The following EBF2 variants were observed in gnomAD, a reference collection of about 807,000 sequenced individuals.
The protein encoded by EBF2 is transcription factor COE2.
EBF2 carries 21 observed loss-of-function variants against 72.8 expected under a neutral mutation model. The observed-to-expected ratio is 0.29, with a 90% CI of 0.20 to 0.42. EBF2 has a LOEUF of 0.42. Ranked by LOEUF, EBF2 falls within the 10% of genes least tolerant of loss-of-function variation. The pLI, the probability that EBF2 is intolerant of heterozygous loss-of-function variation, is 1.00. For missense variants in EBF2, 637 were observed against 731.2 expected, an observed-to-expected ratio of 0.87 and a Z score of 1.49; for synonymous variants, 299 against 274.2, an observed-to-expected ratio of 1.09 and a Z score of -0.89.
intron 3 of EBF2, 47 bp from the exon 4 acceptor site, chr8:26,040,718 C>A (rs569140774): frequency 6.5e-7 from 1 of 1,547,072 alleles, no homozygotes; most frequent in African/African-American, 1.4e-5. Flanking sequence ...GAGCCCCTTC[C>A]GGGCACCCCA....
Position 25,886,861 on chromosome 8 carries a change from G to A in EBF2, c.903C>T (p.Ile301=). 2 of 1,612,858 alleles carry A rather than the reference G, an allele frequency of 1.2e-6. No individual in the cohort carries two copies. The part of the protein sequence containing the change: ...VWSELITPHA[I]RVQTPPRHIP... ...TGTGCCGGGGAGGAGTCTGTACTCT[G>A]ATGGCATGAGGGGTTATTAGCTGAG... is the stretch of plus-strand genomic sequence containing the variant. Residue 301 remains isoleucine, a synonymous_variant, in exon 10 of 16, where the codon ATC becomes ATT. Transcript: ENST00000520164.
intron 6 of EBF2, among the ~76,000 whole-genome samples, chr8:25,992,115 C>T (rs911949999): frequency 5.9e-5 from 9 of 151,696 alleles, no homozygotes; most frequent in African/African-American, 1.9e-4. Context: ...ACTGCAACCT[C>T]CACCTCCCGA....
intron 5 of EBF2, among the ~76,000 whole-genome samples, chr8:26,034,058 A>C (rs1396972119): frequency 1.3e-5 from 2 of 152,220 alleles, no homozygotes; most frequent in African/African-American, 4.8e-5. Flanking sequence ...TCAGTAAATA[A>C]TTAAAGAAAC....
chr8:25,949,487 G>T (rs763820975), intron 6 of EBF2, among the ~76,000 whole-genome samples: 1 of 152,076 alleles, frequency 6.6e-6, no homozygotes, highest in African/African-American at 2.4e-5. Context: ...TTTACAAGAG[G>T]TGCGCCCTGA....
At chr8:26,029,834 C>T (rs958402281) in intron 6 of EBF2, among the ~76,000 whole-genome samples, 1 of 152,174 alleles carries the variant, frequency 6.6e-6, no homozygotes, top group Non-Finnish European at 1.5e-5. Context: ...AGAGACCAGA[C>T]GCAAGGCTGA....
At chr8:25,925,748 G>A (rs1051184678) in intron 6 of EBF2, among the ~76,000 whole-genome samples, 1 of 152,146 alleles carries the variant, frequency 6.6e-6, no homozygotes, top group Non-Finnish European at 1.5e-5. Context: ...AGCTGCCTGT[G>A]AGTCACGATG....
chr8:25,887,690 A>G (rs949806166), intron 9 of EBF2, 152 bp downstream of exon 9: 2 of 767,632 alleles, frequency 2.6e-6, no homozygotes, highest in Admixed American at 7.4e-5. Context: ...ATTTTAAATA[A>G]TACTGCAGTG....
intron 6 of EBF2, among the ~76,000 whole-genome samples, chr8:25,954,453 C>T (rs1178495463): frequency 6.6e-6 from 1 of 152,186 alleles, no homozygotes; most frequent in Non-Finnish European, 1.5e-5. Flanking sequence ...GTGCAGAGAG[C>T]ACAGGTCCAA....
chr8:25,961,126 G>A (rs1341470721), intron 6 of EBF2, among the ~76,000 whole-genome samples: 5 of 151,998 alleles, frequency 3.3e-5, no homozygotes, highest in African/African-American at 1.2e-4. Context: ...AAGAAAAATC[G>A]CAGAAAGTAA....
chr8:25,954,393 C>T (rs962174773), intron 6 of EBF2, among the ~76,000 whole-genome samples: 5 of 152,310 alleles, frequency 3.3e-5, no homozygotes, highest in East Asian at 3.9e-4. Flanking sequence ...CCCACCTTCG[C>T]GCGCAGGGAG....
Position 26,044,761 on chromosome 8 carries a change from G to T in EBF2, c.99C>A (p.Val33=). 6.2e-7 allele frequency: 1 copy of T among 1,614,162 alleles called. No homozygotes were observed. The highest frequency in any genetic ancestry group is 1.1e-5 in the South Asian group (1 of 91,078). ...CGGCGACATTAGCGTCCACCACTCC[G>T]ACATTCCGGACCCAGGACCTGACCG... ...MDSVRSWVRN[V]GVVDANVAAQ... Residue 33 remains valine, a synonymous_variant, in exon 1 of 16, where the codon GTC becomes GTA. Transcript: ENST00000520164. The surrounding 1 kb of genome is among the most constrained non-coding windows in gnomAD (Gnocchi z 4.1).
chr8:25,953,733 C>G (rs995359994), intron 6 of EBF2, among the ~76,000 whole-genome samples: 5 of 152,168 alleles, frequency 3.3e-5, no homozygotes, highest in African/African-American at 1.2e-4. Flanking sequence ...CCTTCTGGCT[C>G]CAGTGCCTAT....
chr8:25,853,095 G>C lies in EBF2; in HGVS notation c.1529-2334C>G, dbSNP rs115807006. Among the ~76,000 whole-genome samples the C allele has an allele frequency of 8.7e-3, 1,323 of 152,244 alleles. 19 individuals are homozygous for C. Among genetic ancestry groups the C allele is most frequent in the African/African-American group, 0.03 (1,260 of 41,562 alleles). On this transcript the variant is annotated intron_variant, in intron 14 of 15. Transcript: ENST00000520164. ...AATACACTAACCATTTGAAGACTAA[G>C]TTTAGAGTACTTTCTCCTGCTAAAC...
Position 25,887,890 on chromosome 8 carries a change from G to T in EBF2, c.834C>A (p.Phe278Leu). ...CAAACACCACTTGGAGACCATCAAA[G>T]AAGTTGTCCCCGATGATGATGACCA... ...GAMVIIIGDN[F>L]FDGLQVVFGT... The change falls in exon 9 of 16, where the codon TTC becomes TTA. Residue 278 changes from phenylalanine (F) to leucine (L), a missense_variant. Physicochemically the swap from Phe to Leu is conservative, Grantham distance 22. This residue lies in a region of EBF2 where 204 missense variants were observed against 301.2 expected (regional missense o/e 0.68). Transcript: ENST00000520164. The T allele has an allele frequency of 6.2e-7, 1 of 1,613,850 alleles. No homozygotes were observed. The highest frequency in any genetic ancestry group is 1.1e-5 in the South Asian group (1 of 91,026).
chr8:26,037,662 G>C (rs900158130), intron 5 of EBF2, among the ~76,000 whole-genome samples: 2 of 152,158 alleles, frequency 1.3e-5, no homozygotes, highest in Non-Finnish European at 2.9e-5. Context: ...GCCTTGAGAC[G>C]ACTTCTGTTC....
intron 6 of EBF2, among the ~76,000 whole-genome samples, chr8:25,921,516 G>A (rs1199978659): frequency 6.6e-6 from 1 of 152,154 alleles, no homozygotes; most frequent in Non-Finnish European, 1.5e-5. Context: ...CAGGAATCAG[G>A]AATCAGTTAT....
At chr8:25,908,350 T>G in intron 7 of EBF2, 124 bp downstream of exon 7, 1 of 703,112 alleles carries the variant, frequency 1.4e-6, no homozygotes, top group Non-Finnish European at 2.4e-6. Context: ...TTTACCATTG[T>G]CTTTTTTATT....
chr8:26,027,378 C>T (rs543126820), intron 6 of EBF2, among the ~76,000 whole-genome samples: 1 of 152,004 alleles, frequency 6.6e-6, no homozygotes, highest in South Asian at 2.1e-4. Flanking sequence ...CAATGACAAG[C>T]CTGGACCAAA....
intron 6 of EBF2, among the ~76,000 whole-genome samples, chr8:26,009,699 G>A (rs1317127520): frequency 1.3e-5 from 2 of 152,144 alleles, no homozygotes; most frequent in East Asian, 3.9e-4. Flanking sequence ...AATAACAGCT[G>A]GGCAGAGAAG....
Sources: allele counts gnomAD v4.1 joint callset (sites outside exome capture counted in the v4.1 genomes callset), GRCh38; gene constraint gnomAD v4.1.1; regional missense constraint gnomAD v4.1.1; non-coding constraint Gnocchi (gnomAD v3.1); transcripts MANE v1.5; gene names NCBI Gene and HGNC (gene_info 2026-07-23, HGNC 2026-07-21).